Variants in SEM1 observed in about 807,000 individuals in gnomAD.
The protein encoded by SEM1 is 26S proteasome complex subunit SEM1.
In SEM1, 3 loss-of-function variants were observed where a neutral mutation model predicts 12.7. That is an observed-to-expected ratio of 0.24 (90% CI 0.11 to 0.61). The LOEUF is 0.61. Among genes scored for constraint, SEM1 ranks in the 20% least tolerant of loss-of-function variants. The pLI, the probability that SEM1 is intolerant of heterozygous loss-of-function variation, is 0.88. For missense variants in SEM1, 59 were observed against 81.3 expected (o/e 0.73, Z 1.06); for synonymous variants, 30 against 27.8 (o/e 1.08, Z -0.25).
chr7:96,539,142 G>A (rs1274488476), intron 2 of SEM1, among the ~76,000 whole-genome samples: 1 of 151,760 alleles, frequency 6.6e-6, no homozygotes, highest in Non-Finnish European at 1.5e-5. Flanking sequence ...ACTGAATCCT[G>A]CCAGCAACTG....
At chr7:96,581,589 C>T (rs1482709745) in intron 2 of SEM1, among the ~76,000 whole-genome samples, 2 of 152,146 alleles carry the variant, frequency 1.3e-5, no homozygotes, top group East Asian at 3.8e-4. Flanking sequence ...GATATTGATT[C>T]TTCCTACCCA....
In SEM1 at chr7:96,650,411, G is replaced by A. The variant is rs1808937706; in HGVS notation, c.171-27768C>T. 7.2e-6 allele frequency: 5 copies of A among 691,748 alleles called. No individual in the cohort carries two copies. The Admixed American group carries it at 8.6e-5, about 12-fold the overall frequency. 42.9% of individuals were successfully genotyped at this position (691,748 alleles called of 1,614,324 possible). On this transcript the variant is annotated intron_variant, in intron 2 of 2. Transcript: ENST00000417009. ...CCAGCCTCCTGGGCATGTTCTCCAG[G>A]CAGTAGATGGGCACCTCGCCCAATG...
intron 2 of SEM1, among the ~76,000 whole-genome samples, chr7:96,574,001 A>T (rs888984340): frequency 1.3e-5 from 2 of 151,730 alleles, no homozygotes; most frequent in African/African-American, 4.8e-5. Context: ...TTTGTTACAT[A>T]TGTATACATG....
chr7:96,517,702 G>A (rs1030616570), intron 2 of SEM1, among the ~76,000 whole-genome samples: 3 of 152,074 alleles, frequency 2.0e-5, no homozygotes, highest in Non-Finnish European at 4.4e-5. Flanking sequence ...GTAACAAATA[G>A]TCATGGTGAA....
chr7:96,576,777 G>A (rs1405872365), intron 2 of SEM1, among the ~76,000 whole-genome samples: 3 of 151,834 alleles, frequency 2.0e-5, no homozygotes, highest in Non-Finnish European at 2.9e-5. Context: ...TAGGTAATAC[G>A]GCAAAGAAGC....
chr7:96,577,710 AAAAT>A (rs1806251957), intron 2 of SEM1, among the ~76,000 whole-genome samples: 1 of 152,108 alleles, frequency 6.6e-6, no homozygotes, highest in Non-Finnish European at 1.5e-5. Context: ...GATAGAAGCA[AAAAT>A]AAATCATATC....
chr7:96,539,572 T>G (rs2115769736), intron 2 of SEM1, among the ~76,000 whole-genome samples: 1 of 151,782 alleles, frequency 6.6e-6, no homozygotes, highest in South Asian at 2.1e-4. Flanking sequence ...TATTTACAAC[T>G]GGAAATGATG....
Position 96,667,283 on chromosome 7 carries a change from G to A in SEM1, c.170+27515C>T, listed in dbSNP as rs531554139. ...GACCAAATTACAGCCTTTGGCGGCCGGTTTCAGTCTGGTGGTTACGGCAAT... is the reference window on the plus strand; with the variant it reads ...GACCAAATTACAGCCTTTGGCGGCCAGTTTCAGTCTGGTGGTTACGGCAAT... On this transcript the variant is annotated intron_variant, in intron 2 of 2. Transcript: ENST00000417009. Among the ~76,000 whole-genome samples, 9 of 152,268 alleles carry A rather than the reference G, an allele frequency of 5.9e-5. 1 individual carries two copies. In the East Asian group the frequency reaches 1.2e-3, roughly 20 times the overall value.
At position 96,516,740 on chromosome 7, in the gene SEM1, A is replaced by G. The variant is rs1215793447; in HGVS notation, c.171-10042T>C. Among the ~76,000 whole-genome samples the G allele has an allele frequency of 3.3e-5, 5 of 152,168 alleles. No homozygotes were observed. In the East Asian group the frequency reaches 9.6e-4, roughly 29 times the overall value. The stretch of plus-strand genomic sequence containing the variant: ...AGTAATCACACTCTGGTATTTATCT[A>G]AAGGAGTTGAAAACTTATAGAACAT... On this transcript the variant is annotated intron_variant and NMD_transcript_variant, in intron 2 of 3. Coordinates refer to the SEM1 transcript ENST00000466986.
At chr7:96,629,689 C>T (rs1399008482) in intron 2 of SEM1, among the ~76,000 whole-genome samples, 2 of 152,004 alleles carry the variant, frequency 1.3e-5, no homozygotes, top group African/African-American at 4.8e-5. Flanking sequence ...GGTCATGACA[C>T]TTGTAGATAT....
At position 96,613,354 on chromosome 7, in the gene SEM1, A is replaced by G. The variant is rs192002851; in HGVS notation, c.170+81444T>C. 5.1e-3 allele frequency among the ~76,000 whole-genome samples: 776 copies of G among 152,344 alleles called. 4 individuals are homozygous for G. The highest frequency in any genetic ancestry group is 0.017 in the African/African-American group (721 of 41,586). Reference sequence around the variant, plus strand: ...AACATCTGCCTAGTTTTCTTATTACATTAAAGAAAACCTATAACACATTTA... The same window carrying G: ...AACATCTGCCTAGTTTTCTTATTACGTTAAAGAAAACCTATAACACATTTA... On this transcript the variant is annotated intron_variant and NMD_transcript_variant, in intron 2 of 3. Transcript: ENST00000466986.
At chr7:96,575,011 G>T (rs193113070) in intron 2 of SEM1, among the ~76,000 whole-genome samples, 1 of 152,122 alleles carries the variant, frequency 6.6e-6, no homozygotes, top group Non-Finnish European at 1.5e-5. Context: ...CCTTGCTGGC[G>T]AGGACTTGTG....
downstream of SEM1, chr7:96,688,127 T>C (rs1261383788): frequency 6.6e-6 from 1 of 152,150 alleles, no homozygotes; most frequent in Non-Finnish European, 1.5e-5. Context: ...ATTTAAGTCA[T>C]CACAAAGAAT....
At chr7:96,689,039 TAAAC>T (rs1302903582) in intron 2 of SEM1, 73 bp from the exon 3 acceptor site, 9 of 907,954 alleles carry the variant, frequency 9.9e-6, no homozygotes, top group East Asian at 2.6e-5. Flanking sequence ...ATACAATAAA[TAAAC>T]AAATAAATGA....
intron 2 of SEM1, among the ~76,000 whole-genome samples, chr7:96,555,276 G>A (rs919602918): frequency 2.0e-5 from 3 of 151,928 alleles, no homozygotes; most frequent in African/African-American, 7.3e-5. Flanking sequence ...TCCTTTAATT[G>A]TGATGTTAGG....
downstream of SEM1, among the ~76,000 whole-genome samples, chr7:96,683,872 T>C (rs1326215298): frequency 6.6e-6 from 1 of 152,072 alleles, no homozygotes; most frequent in Non-Finnish European, 1.5e-5. Context: ...CACTGGAGTC[T>C]GTCAGGGGGT....
chr7:96,662,460 G>A (rs1789035210), intron 2 of SEM1, among the ~76,000 whole-genome samples: 1 of 152,146 alleles, frequency 6.6e-6, no homozygotes, highest in Admixed American at 6.5e-5. Context: ...ATAAGTGGGA[G>A]TTGAACAATG....
chr7:96,610,656 C>T (rs559997375), intron 2 of SEM1, among the ~76,000 whole-genome samples: 2 of 152,298 alleles, frequency 1.3e-5, no homozygotes, highest in East Asian at 3.9e-4. Context: ...AAGTAAGACT[C>T]ATTCTCTTCC....
At position 96,598,022 on chromosome 7, in the gene SEM1, C is replaced by T. The variant is rs561368054; in HGVS notation, c.171-91324G>A. 2.0e-5 allele frequency among the ~76,000 whole-genome samples: 3 copies of T among 152,274 alleles called. No individual in the cohort carries two copies. The South Asian group carries it at 6.2e-4, about 32-fold the overall frequency. ...TATCTCAGTACATGGTTTCCTCAGTCATTTTCATAGCTGCATAATTTCTTG... is the reference window on the plus strand; with the variant it reads ...TATCTCAGTACATGGTTTCCTCAGTTATTTTCATAGCTGCATAATTTCTTG... On this transcript the variant is annotated intron_variant and NMD_transcript_variant, in intron 2 of 3. Transcript: ENST00000466986.
Sources: gnomAD v4.1 joint callset for allele counts (sites outside exome capture counted in the v4.1 genomes callset) on GRCh38, gnomAD v4.1.1 for gene constraint, MANE v1.5 for transcripts, NCBI Gene and HGNC (gene_info 2026-07-23, HGNC 2026-07-21) for gene names.